Variants in TEKT3 observed in about 807,000 individuals in gnomAD.
TEKT3 encodes the protein tektin 3.
Under a neutral mutation model 49.8 loss-of-function variants are expected in TEKT3, and 49 were observed. That is an observed-to-expected ratio of 0.98 (90% CI 0.78 to 1.25). The LOEUF is 1.25. TEKT3 is among the 50% of genes most tolerant of loss of function. The probability of loss-of-function intolerance (pLI) is 0.00; values close to 1 mark genes in which losing one functional copy is unlikely to be tolerated. For missense variants in TEKT3, 595 were observed against 629.5 expected (o/e 0.95, Z 0.59); for synonymous variants, 225 against 237.2 (o/e 0.95, Z 0.47).
At chr17:15,324,547 T>G (rs1306620207) in intron 4 of TEKT3, among the ~76,000 whole-genome samples, 1 of 152,174 alleles carries the variant, frequency 6.6e-6, no homozygotes, top group Non-Finnish European at 1.5e-5. Flanking sequence ...TACACTCCCA[T>G]CAGCAATGTA....
intron 5 of TEKT3, among the ~76,000 whole-genome samples, chr17:15,318,292 G>A (rs975476492): frequency 2.6e-5 from 4 of 151,944 alleles, no homozygotes; most frequent in Non-Finnish European, 5.9e-5. Flanking sequence ...CCCGGCCGCC[G>A]CAGAGGCCAG....
At chr17:15,310,301 C>A (rs1910716006) in intron 7 of TEKT3, among the ~76,000 whole-genome samples, 1 of 152,156 alleles carries the variant, frequency 6.6e-6, no homozygotes, top group Non-Finnish European at 1.5e-5. Flanking sequence ...TAGCACAATA[C>A]CTTGAGTGTA....
chr17:15,304,260 G>T lies in TEKT3; in HGVS notation c.1257-108C>A, dbSNP rs1382276851. 2 of 1,094,878 alleles carry T rather than the reference G, an allele frequency of 1.8e-6. No individual in the cohort carries two copies. The highest frequency in any genetic ancestry group is 1.6e-5 in the African/African-American group (1 of 63,696). 67.8% of individuals were successfully genotyped at this position (1,094,878 alleles called of 1,614,324 possible). A position where few individuals can be genotyped will look rare whatever the true frequency, so the allele number is the denominator to read the frequency against. On this transcript the variant is annotated intron_variant, in intron 8 of 8. Coordinates refer to ENST00000395930, the MANE Select transcript of TEKT3 (RefSeq NM_031898.3). This position sits in a 1 kb window ranked among gnomAD's most constrained non-coding sequence, Gnocchi z 4.7. ...AAAGCTCACATTTTCTTTACTTTAG[G>T]ATATATTTATCAGCAAATGAGAGGT...
At chr17:15,308,569 G>A in intron 8 of TEKT3, 95 bp downstream of exon 8, 1 of 1,496,716 alleles carries the variant, frequency 6.7e-7, no homozygotes, top group South Asian at 1.2e-5. Context: ...CCTACATGCT[G>A]CGTATGGGCA....
At chr17:15,311,625 G>A (rs1483087743) in intron 7 of TEKT3, among the ~76,000 whole-genome samples, 1 of 152,052 alleles carries the variant, frequency 6.6e-6, no homozygotes, top group Non-Finnish European at 1.5e-5. Context: ...CCATGAATAT[G>A]TACAATTATT....
intron 7 of TEKT3, among the ~76,000 whole-genome samples, chr17:15,311,644 A>G (rs571570658): frequency 2.6e-5 from 4 of 152,320 alleles, no homozygotes; most frequent in East Asian, 1.9e-4. Context: ...TTTTTTGTCA[A>G]TTTTAAAAAA....
chr17:15,314,077 C>A lies in TEKT3; in HGVS notation c.878+10G>T. On this transcript the variant is annotated intron_variant, in intron 6 of 8. Transcript: ENST00000395930. Reference sequence around the variant, plus strand: ...ATCGAAATCACAGCCGTGGCGTGTGCCTGACTTACGTTGCATCGACCCTCT... The same window carrying A: ...ATCGAAATCACAGCCGTGGCGTGTGACTGACTTACGTTGCATCGACCCTCT... 1.9e-6 allele frequency: 3 copies of A among 1,614,158 alleles called. No homozygotes were observed. Among genetic ancestry groups the A allele is most frequent in the Non-Finnish European group, 2.5e-6 (3 of 1,180,020 alleles).
chr17:15,327,747 T>C (rs1911550150), intron 4 of TEKT3: 1 of 413,868 alleles, frequency 2.4e-6, no homozygotes, highest in African/African-American at 2.0e-5. Context: ...CCAAAATTAA[T>C]AGTGATTTCT....
At chr17:15,342,574 T>C (rs1003040941), upstream of TEKT3, among the ~76,000 whole-genome samples, 1 of 152,150 alleles carries the variant, frequency 6.6e-6, no homozygotes, top group African/African-American at 2.4e-5. Flanking sequence ...CGGGGGCTGG[T>C]CCTCAGCTTT....
chr17:15,329,981 C>T (rs560482682), intron 3 of TEKT3, among the ~76,000 whole-genome samples: 3 of 152,202 alleles, frequency 2.0e-5, no homozygotes, highest in East Asian at 3.9e-4. Flanking sequence ...GAGGGCCCAT[C>T]GCATAGCCTG....
chr17:15,307,985 G>A (rs1005412404), intron 8 of TEKT3, among the ~76,000 whole-genome samples: 1 of 152,174 alleles, frequency 6.6e-6, no homozygotes, highest in Non-Finnish European at 1.5e-5. Context: ...TTCATGTAGT[G>A]TTTAGTAGAT....
At position 15,312,273 on chromosome 17, in the gene TEKT3, T is replaced by C; in HGVS notation, c.1087A>G (p.Thr363Ala). ...GGTTGATTTACCTTTGCTAAGTGCG[T>C]CTGAATCTTATTCTTAGCATCTGCA... ...ETADAKNKIQ[T>A]HLAKTLQEIF... Residue 363 changes from threonine to alanine, a missense_variant, in exon 7 of 9, where the codon ACG becomes GCG. Physicochemically the swap from Thr to Ala is moderately conservative, Grantham distance 58 (BLOSUM62 0). Transcript: ENST00000395930. 1 of 1,614,194 alleles carries C rather than the reference T, an allele frequency of 6.2e-7. No homozygotes were observed. The highest frequency in any genetic ancestry group is 8.5e-7 in the Non-Finnish European group (1 of 1,180,022).
intron 2 of TEKT3, among the ~76,000 whole-genome samples, chr17:15,339,539 A>C (rs553756930): frequency 1.3e-5 from 2 of 152,362 alleles, no homozygotes; most frequent in South Asian, 4.1e-4. Flanking sequence ...GATTTTAAGA[A>C]CCGGAAAGCT....
intron 5 of TEKT3, among the ~76,000 whole-genome samples, chr17:15,317,182 A>T (rs1183181798): frequency 3.3e-5 from 5 of 152,178 alleles, no homozygotes; most frequent in Admixed American, 3.3e-4. Flanking sequence ...TCCTTAAAGG[A>T]TCAACAACAA....
intron 4 of TEKT3, among the ~76,000 whole-genome samples, chr17:15,324,827 C>T (rs1233088138): frequency 6.6e-6 from 1 of 152,168 alleles, no homozygotes; most frequent in African/African-American, 2.4e-5. Flanking sequence ...TTTGATATCA[C>T]ATCTAAAAAA....
chr17:15,331,531 G>T lies in TEKT3; in HGVS notation c.55C>A (p.Pro19Thr), dbSNP rs988468656. 5.0e-6 allele frequency: 8 copies of T among 1,614,054 alleles called. No homozygotes were observed. In the African/African-American group the frequency reaches 6.7e-5, roughly 13 times the overall value. ...TTTYAHPRPT[P>T]TNFLPAISTM... is the part of the protein sequence containing the mutation. ...CTGATGGCTGGTAGAAAGTTGGTTG[G>T]TGTTGGTCTAGGGTGGGCGTAAGTT... The change falls in exon 3 of 9, where the codon CCA (proline) becomes ACA (threonine). Residue 19 changes from proline (P) to threonine (T), a missense_variant. Coordinates refer to ENST00000395930, the MANE Select transcript of TEKT3 (RefSeq NM_031898.3).
At chr17:15,319,224 T>C in intron 4 of TEKT3, 77 bp from the exon 5 acceptor site, 1 of 1,171,968 alleles carries the variant, frequency 8.5e-7, no homozygotes, top group Non-Finnish European at 1.2e-6. Flanking sequence ...GTAACAAACA[T>C]CAATGAAGGA....
chr17:15,338,671 A>ATT (rs60841981), intron 2 of TEKT3: 46 of 94,152 alleles, frequency 4.9e-4, no homozygotes, highest in South Asian at 2.8e-3. Flanking sequence ...CACCTGGCTA[A>ATT]TTTTTTTTTT....
chr17:15,312,409 A>G lies in TEKT3; in HGVS notation c.951T>C (p.Ala317=), dbSNP rs1205877823. Residue 317 remains alanine, a synonymous_variant, in exon 7 of 9, where the codon GCT becomes GCC. Coordinates refer to ENST00000395930, the MANE Select transcript of TEKT3 (RefSeq NM_031898.3). ...CAATGTCGTCTCTTAGCTTAGCGGA[A>G]GCTGCCCGTTCACTCTGGGAGCGGA... ...NILRSQSERA[A]SAKLRDDIEN... 2 of 1,614,098 alleles carry G rather than the reference A, an allele frequency of 1.2e-6. No individual in the cohort carries two copies. Among genetic ancestry groups the G allele is most frequent in the Non-Finnish European group, 1.7e-6 (2 of 1,180,036 alleles).
Sources: allele counts gnomAD v4.1 joint callset (sites outside exome capture counted in the v4.1 genomes callset), GRCh38; gene constraint gnomAD v4.1.1; non-coding constraint Gnocchi (gnomAD v3.1); transcripts MANE v1.5; gene names NCBI Gene and HGNC (gene_info 2026-07-23, HGNC 2026-07-21).